ANKRD52: variants seen among roughly 807,000 people sequenced by gnomAD.
ANKRD52 encodes ankyrin repeat domain 52.
Under a neutral mutation model 116.0 loss-of-function variants are expected in ANKRD52, and 7 were observed. That is an observed-to-expected ratio of 0.06 (90% CI 0.03 to 0.11). ANKRD52 has a LOEUF of 0.11. ANKRD52 is among the 10% of genes least tolerant of loss of function. The probability of loss-of-function intolerance (pLI) is 1.00; values close to 1 mark genes in which losing one functional copy is unlikely to be tolerated. For synonymous variants in ANKRD52, 528 were observed against 578.1 expected (o/e 0.91, Z 1.24); for missense variants, 839 against 1,408.6 (o/e 0.60, Z 6.47).
rs551091908 is a variant in ANKRD52 at position 56,250,940 on chromosome 12, T to A, written c.1592+1075A>T. ...TTTTTAAATTTTTATTTAATTTTATTTATTTATTTGTTTTTTTGGAGACAG... is the reference window on the plus strand; with the variant it reads ...TTTTTAAATTTTTATTTAATTTTATATATTTATTTGTTTTTTTGGAGACAG... On this transcript the variant is annotated intron_variant, in intron 15 of 27. Coordinates refer to ENST00000267116, the MANE Select transcript of ANKRD52 (RefSeq NM_173595.4). 3.9e-5 allele frequency among the ~76,000 whole-genome samples: 6 copies of A among 152,054 alleles called. No individual in the cohort carries two copies. The South Asian group carries it at 1.2e-3, about 32-fold the overall frequency.
chr12:56,244,939 G>A lies in ANKRD52; in HGVS notation c.2543C>T (p.Ala848Val). The change falls in exon 23 of 28, where the codon GCC becomes GTC. Residue 848 changes from alanine to valine, a missense_variant. Ala to Val is a moderately conservative substitution (Grantham distance 64, BLOSUM62 0). Transcript: ENST00000267116. This position sits in a 1 kb window ranked among gnomAD's most constrained non-coding sequence, Gnocchi z 4.9. ...GGCATCTCGGCTGTTCACAATCTTG[G>A]CACCCAGAGCTCCCAGTAGCATCTC... ...TTEMLLGALGAKIVNSRDAKG... is the reference protein window; with the variant it reads ...TTEMLLGALGVKIVNSRDAKG... 6.2e-7 allele frequency: 1 copy of A among 1,613,872 alleles called. No individual in the cohort carries two copies.
At position 56,255,188 on chromosome 12, in the gene ANKRD52, A is replaced by C; in HGVS notation, c.463-236T>G. On this transcript the variant is annotated intron_variant, in intron 5 of 27. Coordinates refer to ENST00000267116, the MANE Select transcript of ANKRD52 (RefSeq NM_173595.4). The surrounding 1 kb of genome is among the most constrained non-coding windows in gnomAD (Gnocchi z 4.3). ...CTCTTCAGGTGATCTGGTGGTTCTT[A>C]AACTCTTTTTTTTTTTTTTTTTGAG... 2.3e-6 allele frequency: 1 copy of C among 435,356 alleles called. No individual in the cohort carries two copies. The highest frequency in any genetic ancestry group is 4.1e-6 in the Non-Finnish European group (1 of 243,650). 27.0% of individuals were successfully genotyped at this position (435,356 alleles called of 1,614,324 possible).
rs1433296723 is a variant in ANKRD52, at chr12:56,258,346, A to G, written c.-77T>C. ...CTCCACCGGGGACACGGAGCGGCCC[A>G]GGCGGCGGCTGCGGTGGCGGCTGCA... On this transcript the variant is annotated 5_prime_UTR_variant, in exon 1 of 28. Transcript: ENST00000267116. 7.2e-7 allele frequency: 1 copy of G among 1,391,770 alleles called. No homozygotes were observed. The highest frequency in any genetic ancestry group is 1.6e-5 in the South Asian group (1 of 61,720). The allele number at this position is 1,391,770 out of a possible 1,614,324, so 86.2% of individuals were successfully genotyped here. A position where few individuals can be genotyped will look rare whatever the true frequency, so the allele number is the denominator to read the frequency against.
rs777713056 is a variant in ANKRD52 at position 56,247,673 on chromosome 12, T to G, written c.2066+14A>C. The G allele has an allele frequency of 1.9e-6, 3 of 1,607,644 alleles. No homozygotes were observed. The Admixed American group carries it at 5.1e-5, about 27-fold the overall frequency. ...GGACTGGAAAACCTGCACCCCACCCTGGCCCACACTCACTGTCCATAGGCA... is the reference window on the plus strand; with the variant it reads ...GGACTGGAAAACCTGCACCCCACCCGGGCCCACACTCACTGTCCATAGGCA... On this transcript the variant is annotated intron_variant, in intron 19 of 27. Coordinates refer to ENST00000267116, the MANE Select transcript of ANKRD52 (RefSeq NM_173595.4).
rs147341241 is a variant in ANKRD52, at chr12:56,243,365, G to C, written c.3008C>G (p.Pro1003Arg). Residue 1003 changes from proline to arginine, a missense_variant, in exon 28 of 28, where the codon CCC becomes CGC. Around this residue, in one of 2 missense-constraint regions of ANKRD52, gnomAD observed 552 missense variants for 810.6 expected, o/e 0.68. Coordinates refer to ENST00000267116, the MANE Select transcript of ANKRD52 (RefSeq NM_173595.4). This position sits in a 1 kb window ranked among gnomAD's most constrained non-coding sequence, Gnocchi z 4.6. ...CAGGCAGTCTGCCACATCTTTGTTGGGGGCACAGGCCAGTGCTGGGGTGTG... is the reference window on the plus strand; with the variant it reads ...CAGGCAGTCTGCCACATCTTTGTTGCGGGCACAGGCCAGTGCTGGGGTGTG... ...EGHTPALACA[P>R]NKDVADCLAL... The C allele has an allele frequency of 1.2e-6, 2 of 1,613,908 alleles. No homozygotes were observed. The highest frequency in any genetic ancestry group is 2.2e-5 in the East Asian group (1 of 44,874).
intron 4 of ANKRD52, among the ~76,000 whole-genome samples, chr12:56,256,645 G>A (rs556810466): frequency 1.3e-5 from 2 of 152,324 alleles, no homozygotes; most frequent in East Asian, 3.9e-4. Flanking sequence ...CTTTCAAGCT[G>A]CTTGAGGGCC....
rs1337773260 is a variant in ANKRD52 at position 56,243,299 on chromosome 12, T to C, written c.3074A>G (p.Asp1025Gly). The change falls in exon 28 of 28, where the codon GAC becomes GGC. Residue 1025 changes from aspartate (D) to glycine (G), a missense_variant. Physicochemically the swap from Asp to Gly is moderately conservative, Grantham distance 94. Around this residue, in one of 2 missense-constraint regions of ANKRD52, gnomAD observed 552 missense variants for 810.6 expected, o/e 0.68. Transcript: ENST00000267116. The surrounding 1 kb of genome is among the most constrained non-coding windows in gnomAD (Gnocchi z 4.6). Reference sequence around the variant, plus strand: ...GCTGAAGCTGAAAGGACTGACGGCGTCCTTGGGTGGGAAAGGCTTCATGGT... The same window carrying C: ...GCTGAAGCTGAAAGGACTGACGGCGCCCTTGGGTGGGAAAGGCTTCATGGT... ...LSTMKPFPPK[D>G]AVSPFSFSLL... 1 of 1,613,858 alleles carries C rather than the reference T, an allele frequency of 6.2e-7. No homozygotes were observed. Among genetic ancestry groups the C allele is most frequent in the Non-Finnish European group, 8.5e-7 (1 of 1,179,880 alleles).
At position 56,239,356 on chromosome 12, in the gene ANKRD52, G is replaced by A. The variant is rs1366409870; in HGVS notation, c.*3786C>T. ...AGGCTGGAGCCACCACAATTAGAGG[G>A]GAAGGGGCTGCTTTGTTCCTTATCC... On this transcript the variant is annotated 3_prime_UTR_variant, in exon 28 of 28. Coordinates refer to ENST00000267116, the MANE Select transcript of ANKRD52 (RefSeq NM_173595.4). 1 of 152,332 alleles carries A rather than the reference G, an allele frequency of 6.6e-6. No homozygotes were observed. Among genetic ancestry groups the A allele is most frequent in the East Asian group, 1.9e-4 (1 of 5,208 alleles). 9.4% of individuals were successfully genotyped at this position (152,332 alleles called of 1,614,324 possible). A position where few individuals can be genotyped will look rare whatever the true frequency, so the allele number is the denominator to read the frequency against.
In ANKRD52 at chr12:56,244,808, G is replaced by A; in HGVS notation, c.2577-11C>T. 1.2e-6 allele frequency: 2 copies of A among 1,613,810 alleles called. No individual in the cohort carries two copies. The highest frequency in any genetic ancestry group is 1.7e-6 in the Non-Finnish European group (2 of 1,179,894). On this transcript the variant is annotated splice_polypyrimidine_tract_variant and intron_variant, in intron 23 of 27. Transcript: ENST00000267116. This position sits in a 1 kb window ranked among gnomAD's most constrained non-coding sequence, Gnocchi z 4.9. ...GCGTGAAGGGGGGTCCTGTAAGGCA[G>A]GGATCAGGGTAGATTAAAATAGGGA... is the stretch of plus-strand genomic sequence containing the variant.
In ANKRD52 at chr12:56,253,124, G is replaced by A. The variant is rs894901635; in HGVS notation, c.1101-38C>T. 7 of 1,521,070 alleles carry A rather than the reference G, an allele frequency of 4.6e-6. No individual in the cohort carries two copies. In the Admixed American group the frequency reaches 1.2e-4, roughly 27 times the overall value. The allele number at this position is 1,521,070 out of a possible 1,614,324, so 94.2% of individuals were successfully genotyped here. ...TGAGGGACTCAGTCCTTGGGTCAAGGAGGGACCAAGTAAGACCTCTTCTGT... is the reference window on the plus strand; with the variant it reads ...TGAGGGACTCAGTCCTTGGGTCAAGAAGGGACCAAGTAAGACCTCTTCTGT... On this transcript the variant is annotated intron_variant, in intron 10 of 27. Transcript: ENST00000267116. This position sits in a 1 kb window ranked among gnomAD's most constrained non-coding sequence, Gnocchi z 5.5.
In ANKRD52 at chr12:56,244,016, C is replaced by T; in HGVS notation, c.2888+35G>A. 6.2e-7 allele frequency: 1 copy of T among 1,611,540 alleles called. No homozygotes were observed. Among genetic ancestry groups the T allele is most frequent in the Non-Finnish European group, 8.5e-7 (1 of 1,178,534 alleles). On this transcript the variant is annotated intron_variant, in intron 26 of 27. Coordinates refer to ENST00000267116, the MANE Select transcript of ANKRD52 (RefSeq NM_173595.4). This position sits in a 1 kb window ranked among gnomAD's most constrained non-coding sequence, Gnocchi z 4.9. The stretch of plus-strand genomic sequence containing the variant: ...CCACTCTTTCATCACCCACTGGCCT[C>T]CCCCAGCCAGGAGCCCCCTTCCCCA...
chr12:56,243,795 C>A lies in ANKRD52; in HGVS notation c.2970G>T (p.Val990=). ...LLSHGATVLA[V]DEEGHTPALA... ...CCAGACCCCACCCACCTTCTTCATC[C>A]ACAGCCAGCACTGTGGCCCCATGAC... Residue 990 remains valine, a synonymous_variant, in exon 27 of 28, where the codon GTG becomes GTT. Coordinates refer to ENST00000267116, the MANE Select transcript of ANKRD52 (RefSeq NM_173595.4). The surrounding 1 kb of genome is among the most constrained non-coding windows in gnomAD (Gnocchi z 4.6). 1 of 1,557,590 alleles carries A rather than the reference C, an allele frequency of 6.4e-7. No homozygotes were observed. Among genetic ancestry groups the A allele is most frequent in the East Asian group, 2.4e-5 (1 of 41,360 alleles).
At position 56,253,281 on chromosome 12, in the gene ANKRD52, G is replaced by A; in HGVS notation, c.1100+7C>T. The A allele has an allele frequency of 6.2e-7, 1 of 1,611,332 alleles. No individual in the cohort carries two copies. Among genetic ancestry groups the A allele is most frequent in the Non-Finnish European group, 8.5e-7 (1 of 1,178,194 alleles). The stretch of plus-strand genomic sequence containing the variant: ...AGCCCAGAAGTGGAGTCGGGGCCCT[G>A]ACTCACCGGGCGGTATCTGCGCCAT... On this transcript the variant is annotated splice_region_variant and intron_variant, in intron 10 of 27. Transcript: ENST00000267116. The surrounding 1 kb of genome is among the most constrained non-coding windows in gnomAD (Gnocchi z 5.5).
chr12:56,244,106 G>A lies in ANKRD52; in HGVS notation c.2833C>T (p.Leu945=). The stretch of plus-strand genomic sequence containing the variant: ...AGGCCAAGGTCTTGGGTTTCTGCCA[G>A]GATCATGAGGGCACATTTCTCATGG... ...KGHEKCALMI[L]AETQDLGLIN... The change falls in exon 26 of 28, where the codon CTG becomes TTG. Residue 945 remains leucine (L), a synonymous_variant. Coordinates refer to ENST00000267116, the MANE Select transcript of ANKRD52 (RefSeq NM_173595.4). This position sits in a 1 kb window ranked among gnomAD's most constrained non-coding sequence, Gnocchi z 4.9. The A allele has an allele frequency of 1.9e-6, 3 of 1,614,022 alleles. No individual in the cohort carries two copies. The highest frequency in any genetic ancestry group is 3.3e-5 in the Admixed American group (2 of 60,022).
In ANKRD52 at chr12:56,244,273, G is replaced by C; in HGVS notation, c.2805+80C>G. The C allele has an allele frequency of 6.4e-7, 1 of 1,550,778 alleles. No individual in the cohort carries two copies. Among genetic ancestry groups the C allele is most frequent in the Non-Finnish European group, 8.9e-7 (1 of 1,125,922 alleles). ...CTGGACAATCCTCACTTCTGCCCCAGTCCCCTCTGCAACCGAGACTTACCT... is the reference window on the plus strand; with the variant it reads ...CTGGACAATCCTCACTTCTGCCCCACTCCCCTCTGCAACCGAGACTTACCT... On this transcript the variant is annotated intron_variant, in intron 25 of 27. Coordinates refer to ENST00000267116, the MANE Select transcript of ANKRD52 (RefSeq NM_173595.4). This position sits in a 1 kb window ranked among gnomAD's most constrained non-coding sequence, Gnocchi z 4.9.
rs748013788 is a variant in ANKRD52, at chr12:56,252,515, CCCT to C, written c.1354_1356del (p.Arg452del). 8.1e-6 allele frequency: 13 copies of C among 1,613,776 alleles called. No homozygotes were observed. The highest frequency in any genetic ancestry group is 4.0e-5 in the African/African-American group (3 of 74,922). ...ATATTAGCATACCTGCCAAATTTGTCCCTCCTCCTCAAGTCAGCTCCACTGCTC... is the reference window on the plus strand; with the variant it reads ...ATATTAGCATACCTGCCAAATTTGTCCCTCCTCAAGTCAGCTCCACTGCTC... On this transcript the variant is annotated inframe_deletion, in exon 13 of 28. Coordinates refer to ENST00000267116, the MANE Select transcript of ANKRD52 (RefSeq NM_173595.4). The surrounding 1 kb of genome is among the most constrained non-coding windows in gnomAD (Gnocchi z 4.7).
chr12:56,243,254 A>G lies in ANKRD52; in HGVS notation c.3119T>C (p.Ile1040Thr). Residue 1040 changes from isoleucine (I) to threonine (T), a missense_variant, in exon 28 of 28, where the codon ATT (isoleucine) becomes ACT (threonine). Transcript: ENST00000267116. The surrounding 1 kb of genome is among the most constrained non-coding windows in gnomAD (Gnocchi z 4.6). ...GCCACCCACCGTCTTGGCGGCTGCA[A>G]TGCTGCAGTTCTTGAGCAGGCTGAA... ...FSFSLLKNCS[I>T]AAAKTVGGCG... 1 of 1,613,946 alleles carries G rather than the reference A, an allele frequency of 6.2e-7. No homozygotes were observed. The highest frequency in any genetic ancestry group is 8.5e-7 in the Non-Finnish European group (1 of 1,179,874).
In ANKRD52 at chr12:56,252,135, A is replaced by T. The variant is rs2135888985; in HGVS notation, c.1511+40T>A. ...GAGAAAGTTAGGGCCAGGCTCAGGG[A>T]GGTGAATGGGGCTGAGAAGGACCAG... On this transcript the variant is annotated intron_variant, in intron 14 of 27. Transcript: ENST00000267116. The surrounding 1 kb of genome is among the most constrained non-coding windows in gnomAD (Gnocchi z 4.7). 1 of 1,613,798 alleles carries T rather than the reference A, an allele frequency of 6.2e-7. No individual in the cohort carries two copies. Among genetic ancestry groups the T allele is most frequent in the Non-Finnish European group, 8.5e-7 (1 of 1,179,800 alleles).
At position 56,252,087 on chromosome 12, in the gene ANKRD52, G is replaced by A. The variant is rs189462588; in HGVS notation, c.1520C>T (p.Pro507Leu). ...GGCATCATGGCTGGAAGGTGTATGG[G>A]GTTCCGCTCTGGGGAAGAGAGAGAG... ...AASDTYRRAE[P>L]HTPSSHDAEE... Residue 507 changes from proline (P) to leucine (L), a missense_variant, in exon 15 of 28, where the codon CCC becomes CTC. Pro to Leu is a moderately conservative substitution (Grantham distance 98). Coordinates refer to ENST00000267116, the MANE Select transcript of ANKRD52 (RefSeq NM_173595.4). This position sits in a 1 kb window ranked among gnomAD's most constrained non-coding sequence, Gnocchi z 4.7. 9 of 1,613,996 alleles carry A rather than the reference G, an allele frequency of 5.6e-6. No homozygotes were observed. The Admixed American group carries it at 6.7e-5, about 12-fold the overall frequency.
Sources: allele counts gnomAD v4.1 joint callset (sites outside exome capture counted in the v4.1 genomes callset), GRCh38; gene constraint gnomAD v4.1.1; regional missense constraint gnomAD v4.1.1; non-coding constraint Gnocchi (gnomAD v3.1); transcripts MANE v1.5; gene names NCBI Gene and HGNC (gene_info 2026-07-23, HGNC 2026-07-21).